Variants in CUX2 observed in about 807,000 individuals in gnomAD.
CUX2 encodes the protein homeobox protein cut-like 2.
CUX2 carries 40 observed loss-of-function variants against 144.8 expected under a neutral mutation model. The ratio of observed to expected loss-of-function variants is 0.28; its 90% CI spans 0.21 to 0.36. The LOEUF is 0.36. CUX2 is among the 10% of genes least tolerant of loss of function. The pLI, the probability that CUX2 is intolerant of heterozygous loss-of-function variation, is 1.00. For missense variants in CUX2, 1,615 were observed against 1,994.0 expected (o/e 0.81, Z 3.62); for synonymous variants, 827 against 875.6 (o/e 0.94, Z 0.98).
chr12:111,306,628 C>G (rs890196649), intron 10 of CUX2, among the ~76,000 whole-genome samples: 9 of 152,212 alleles, frequency 5.9e-5, no homozygotes. Flanking sequence ...AAACTTTTAC[C>G]TATGCTGTTT....
chr12:111,241,018 C>T (rs554816846), intron 3 of CUX2, among the ~76,000 whole-genome samples: 1 of 152,038 alleles, frequency 6.6e-6, no homozygotes, highest in East Asian at 1.9e-4. Flanking sequence ...TCATAAAATA[C>T]CTGAGGCTGG....
At chr12:111,081,425 G>A (rs1054629398) in intron 1 of CUX2, among the ~76,000 whole-genome samples, 25 of 152,130 alleles carry the variant, frequency 1.6e-4, no homozygotes, top group African/African-American at 6.0e-4. Context: ...CACATGTGGT[G>A]TAGTTTCTGT....
chr12:111,250,670 G>T (rs1453295833), intron 3 of CUX2, among the ~76,000 whole-genome samples: 1 of 152,206 alleles, frequency 6.6e-6, no homozygotes, highest in Non-Finnish European at 1.5e-5. Context: ...CTGGGAGGAG[G>T]TGGCCCAAAA....
At chr12:111,136,305 T>C (rs557588668) in intron 1 of CUX2, among the ~76,000 whole-genome samples, 13 of 151,280 alleles carry the variant, frequency 8.6e-5, no homozygotes, top group Admixed American at 5.3e-4. Context: ...GAGAGCGGAG[T>C]CCACAATTTG....
chr12:111,082,627 G>C (rs1184596049), intron 1 of CUX2, among the ~76,000 whole-genome samples: 2 of 152,172 alleles, frequency 1.3e-5, no homozygotes, highest in Non-Finnish European at 2.9e-5. Flanking sequence ...CTGGGAGAGA[G>C]GACACAGCTT....
chr12:111,050,387 G>A (rs1039652273), intron 1 of CUX2, among the ~76,000 whole-genome samples: 1 of 152,138 alleles, frequency 6.6e-6, no homozygotes, highest in African/African-American at 2.4e-5. Flanking sequence ...GCCTCTGGGT[G>A]TCAAACCTCT....
chr12:111,138,764 C>A (rs1249178673), intron 1 of CUX2, among the ~76,000 whole-genome samples: 1 of 152,078 alleles, frequency 6.6e-6, no homozygotes, highest in Non-Finnish European at 1.5e-5. Context: ...CATCCCATCC[C>A]ACCCTAGGGG....
At chr12:111,288,067 G>T (rs772091042) in intron 4 of CUX2, among the ~76,000 whole-genome samples, 10 of 152,208 alleles carry the variant, frequency 6.6e-5, no homozygotes, top group Non-Finnish European at 1.5e-4. Flanking sequence ...AAGGAAAGGT[G>T]TAGGCAGTTC....
chr12:111,292,521 T>G (rs1885745279), intron 5 of CUX2, among the ~76,000 whole-genome samples: 1 of 151,570 alleles, frequency 6.6e-6, no homozygotes, highest in Non-Finnish European at 1.5e-5. Context: ...ACCTGGGAGG[T>G]GGAGGTTGCA....
intron 1 of CUX2, among the ~76,000 whole-genome samples, chr12:111,048,285 A>G (rs1467878711): frequency 6.6e-6 from 1 of 152,216 alleles, no homozygotes; most frequent in African/African-American, 2.4e-5. Flanking sequence ...TAGGCAAAGG[A>G]CAGCATCTGT....
At chr12:111,221,029 A>C (rs1360499148) in intron 3 of CUX2, among the ~76,000 whole-genome samples, 1 of 152,034 alleles carries the variant, frequency 6.6e-6, no homozygotes, top group African/African-American at 2.4e-5. Context: ...GTTGGTGCTC[A>C]GTAAATACTA....
chr12:111,151,652 T>G (rs1566256536), intron 1 of CUX2, among the ~76,000 whole-genome samples: 1 of 151,948 alleles, frequency 6.6e-6, no homozygotes, highest in Admixed American at 6.6e-5. Flanking sequence ...TTAGGGGCGG[T>G]GGACTGTGTC....
chr12:111,230,429 TC>T (rs1565862462), intron 3 of CUX2, among the ~76,000 whole-genome samples: 1 of 151,952 alleles, frequency 6.6e-6, no homozygotes, highest in Admixed American at 6.6e-5. Flanking sequence ...GCAGTCTCCA[TC>T]CCCCACCTCC....
At chr12:111,229,875 G>A (rs1038380237) in intron 3 of CUX2, among the ~76,000 whole-genome samples, 3 of 152,004 alleles carry the variant, frequency 2.0e-5, no homozygotes, top group East Asian at 1.9e-4. Context: ...TTAGCGAAGC[G>A]TGGTGGTGCA....
At chr12:111,093,871 G>A (rs915155993) in intron 1 of CUX2, among the ~76,000 whole-genome samples, 5 of 152,232 alleles carry the variant, frequency 3.3e-5, no homozygotes, top group African/African-American at 1.2e-4. Context: ...TGTGTGAAAT[G>A]GGAGCTTGGC....
At chr12:111,083,045 T>A (rs1488989659) in intron 1 of CUX2, among the ~76,000 whole-genome samples, 1 of 152,170 alleles carries the variant, frequency 6.6e-6, no homozygotes, top group African/African-American at 2.4e-5. Flanking sequence ...CTGTGCCTTT[T>A]AGGGTGCTTA....
rs1056791092 is a variant in CUX2 at position 111,061,712 on chromosome 12, G to A, written c.63+27472G>A. Among the ~76,000 whole-genome samples, 1 of 152,162 alleles carries A rather than the reference G, an allele frequency of 6.6e-6. No individual in the cohort carries two copies. Among genetic ancestry groups the A allele is most frequent in the African/African-American group, 2.4e-5 (1 of 41,420 alleles). ...GCCCGATGTTCTGTGAAGTGAGTGG[G>A]TCACTCTCCCCTCAGCCTGGCCCTG... On this transcript the variant is annotated intron_variant, in intron 1 of 21. Transcript: ENST00000261726. This position sits in a 1 kb window ranked among gnomAD's most constrained non-coding sequence, Gnocchi z 4.2.
intron 1 of CUX2, among the ~76,000 whole-genome samples, chr12:111,049,934 T>G (rs1444610599): frequency 6.6e-6 from 1 of 152,114 alleles, no homozygotes; most frequent in East Asian, 1.9e-4. Context: ...GCCCCTAACC[T>G]CTGCATGGTG....
Position 111,190,095 on chromosome 12 carries a change from C to T in CUX2, c.64-24105C>T, listed in dbSNP as rs1013545016. Among the ~76,000 whole-genome samples, 3 of 152,084 alleles carry T rather than the reference C, an allele frequency of 2.0e-5. No homozygotes were observed. The highest frequency in any genetic ancestry group is 6.5e-5 in the Admixed American group (1 of 15,270). On this transcript the variant is annotated intron_variant, in intron 1 of 21. Coordinates refer to ENST00000261726, the MANE Select transcript of CUX2 (RefSeq NM_015267.4). The surrounding 1 kb of genome is among the most constrained non-coding windows in gnomAD (Gnocchi z 4.0). The stretch of plus-strand genomic sequence containing the variant: ...TGACAGATGAGGTTAAGCATCTTTT[C>T]GTGTGTTCATTGACTGTTGGGATCT...
Sources: gnomAD v4.1 joint callset for allele counts (sites outside exome capture counted in the v4.1 genomes callset) on GRCh38, gnomAD v4.1.1 for gene constraint, Gnocchi (gnomAD v3.1) non-coding constraint, MANE v1.5 for transcripts, NCBI Gene and HGNC (gene_info 2026-07-23, HGNC 2026-07-21) for gene names.